The following MCPH1 variants were observed in gnomAD, a reference collection of about 807,000 sequenced individuals.
MCPH1 encodes microcephalin 1.
In MCPH1, 104 loss-of-function variants were observed where a neutral mutation model predicts 84.5. The observed-to-expected ratio is 1.23, with a 90% CI of 1.05 to 1.45. The LOEUF (loss-of-function observed/expected upper bound fraction) is 1.45, where lower values mean the gene tolerates loss of function less well. Ranked by LOEUF, MCPH1 falls within the 40% of genes most tolerant of loss-of-function variation. The pLI, the probability that MCPH1 is intolerant of heterozygous loss-of-function variation, is 0.00. For missense variants in MCPH1, 1,498 were observed against 1,005.7 expected (o/e 1.49, Z -6.62); for synonymous variants, 514 against 366.8 (o/e 1.40, Z -4.58).
chr8:6,503,284 G>A (rs1365121038), intron 12 of MCPH1: 8 of 1,613,652 alleles, frequency 5.0e-6, no homozygotes, highest in Non-Finnish European at 6.8e-6. Context: ...AACACAGAAG[G>A]AATTAGGAAC....
intron 2 of MCPH1, among the ~76,000 whole-genome samples, chr8:6,411,509 A>C (rs1234867011): frequency 6.6e-6 from 1 of 152,226 alleles, no homozygotes; most frequent in Non-Finnish European, 1.5e-5. Flanking sequence ...TGAAAAGGTG[A>C]AAGTTCTCCA....
intron 12 of MCPH1, among the ~76,000 whole-genome samples, chr8:6,568,842 G>A (rs188152682): frequency 7.5e-4 from 114 of 152,368 alleles, no homozygotes; most frequent in Admixed American, 1.8e-3. Flanking sequence ...TGGAGGCGGT[G>A]ACTGCTGCAG....
chr8:6,636,569 TC>T (rs1444221628), intron 13 of MCPH1, among the ~76,000 whole-genome samples: 1 of 152,114 alleles, frequency 6.6e-6, no homozygotes, highest in Non-Finnish European at 1.5e-5. Flanking sequence ...AGCCTCTAAC[TC>T]CTGGCCTCAA....
intron 9 of MCPH1, among the ~76,000 whole-genome samples, chr8:6,457,144 T>C (rs943894092): frequency 6.6e-6 from 1 of 152,216 alleles, no homozygotes; most frequent in Non-Finnish European, 1.5e-5. Context: ...TATTTTCATA[T>C]ATTAAACTGC....
At chr8:6,543,721 A>G (rs2129574211) in intron 12 of MCPH1, among the ~76,000 whole-genome samples, 1 of 152,182 alleles carries the variant, frequency 6.6e-6, no homozygotes, top group Middle Eastern at 3.4e-3. Flanking sequence ...TACCCCTTGT[A>G]TTGGATGAGA....
intron 12 of MCPH1, among the ~76,000 whole-genome samples, chr8:6,580,892 C>T (rs1368311185): frequency 1.3e-5 from 2 of 152,208 alleles, no homozygotes; most frequent in African/African-American, 4.8e-5. Context: ...TGATTATGGT[C>T]AGCCCTCCAC....
intron 13 of MCPH1, among the ~76,000 whole-genome samples, chr8:6,639,644 T>A (rs1207660587): frequency 6.6e-6 from 1 of 150,728 alleles, no homozygotes; most frequent in Non-Finnish European, 1.5e-5. Context: ...GTCTGGGCAA[T>A]GGATCAAGAT....
intron 12 of MCPH1, among the ~76,000 whole-genome samples, chr8:6,504,246 A>C (rs1173151369): frequency 7.6e-6 from 1 of 132,396 alleles, no homozygotes; most frequent in East Asian, 2.5e-4. Flanking sequence ...TGAACCCGGG[A>C]GGCGGAGCTT....
At chr8:6,597,956 A>G (rs2129578070) in intron 12 of MCPH1, among the ~76,000 whole-genome samples, 1 of 152,346 alleles carries the variant, frequency 6.6e-6, no homozygotes, top group East Asian at 1.9e-4. Flanking sequence ...CACTTGACCT[A>G]GAGCCTTGCA....
intron 3 of MCPH1, among the ~76,000 whole-genome samples, chr8:6,426,835 T>TC (rs971265162): frequency 2.0e-5 from 3 of 152,070 alleles, no homozygotes; most frequent in Non-Finnish European, 4.4e-5. Context: ...GTTTTTTTTT[T>TC]CCCAACATTG....
At chr8:6,473,953 G>T in intron 9 of MCPH1, 1 of 1,321,668 alleles carries the variant, frequency 7.6e-7, no homozygotes, top group Non-Finnish European at 1.1e-6. Flanking sequence ...CTTCTTCCTT[G>T]TAGGATGCCG....
intron 13 of MCPH1, chr8:6,626,265 G>A (rs1832063550): frequency 1.0e-6 from 1 of 985,240 alleles, no homozygotes; most frequent in Non-Finnish European, 1.2e-6. Flanking sequence ...TATACAAAAT[G>A]TAAGCCACGC....
chr8:6,608,287 C>G (rs762484427), intron 12 of MCPH1, among the ~76,000 whole-genome samples: 1 of 152,202 alleles, frequency 6.6e-6, no homozygotes, highest in Non-Finnish European at 1.5e-5. Context: ...GAGGTGTTCA[C>G]AGGTGAGTAG....
rs199742828 is a variant in MCPH1 at position 6,612,299 on chromosome 8, AG to A, written c.2215-9154del. Among the ~76,000 whole-genome samples, 21 of 148,528 alleles carry A rather than the reference AG, an allele frequency of 1.4e-4. No individual in the cohort carries two copies. In the East Asian group the frequency reaches 4.4e-3, roughly 31 times the overall value. ...CATCACATTCTGCCTATTTAAGCCAAGCCCCCCTTCCCCAAGGCCAACCTCC... is the reference window on the plus strand; with the variant it reads ...CATCACATTCTGCCTATTTAAGCCAACCCCCCTTCCCCAAGGCCAACCTCC... On this transcript the variant is annotated intron_variant, in intron 12 of 13. Transcript: ENST00000344683.
At chr8:6,434,103 T>C (rs79541467) in intron 4 of MCPH1, among the ~76,000 whole-genome samples, 1 of 152,204 alleles carries the variant, frequency 6.6e-6, no homozygotes, top group African/African-American at 2.4e-5. Flanking sequence ...TTCCCACTTG[T>C]GCCAACTATG....
intron 11 of MCPH1, among the ~76,000 whole-genome samples, chr8:6,495,259 T>A (rs182287774): frequency 1.3e-4 from 20 of 152,354 alleles, no homozygotes; most frequent in African/African-American, 4.8e-4. Context: ...CTACACTATT[T>A]CATTAACTAC....
At chr8:6,484,779 G>C (rs1809659354) in intron 11 of MCPH1, among the ~76,000 whole-genome samples, 3 of 152,200 alleles carry the variant, frequency 2.0e-5, no homozygotes, top group African/African-American at 7.2e-5. Flanking sequence ...GTCACATGCT[G>C]TATAAGGCCA....
At chr8:6,586,590 C>CT (rs1828002855) in intron 12 of MCPH1, among the ~76,000 whole-genome samples, 1 of 152,134 alleles carries the variant, frequency 6.6e-6, no homozygotes, top group South Asian at 2.1e-4. Context: ...AACTGCATGT[C>CT]TGGGGGGAAT....
At chr8:6,627,486 T>A (rs926552509) in intron 13 of MCPH1, among the ~76,000 whole-genome samples, 1 of 152,220 alleles carries the variant, frequency 6.6e-6, no homozygotes, top group African/African-American at 2.4e-5. Context: ...GAAGAATTAT[T>A]TTTCCTTTGA....
Sources: allele counts gnomAD v4.1 joint callset (sites outside exome capture counted in the v4.1 genomes callset), GRCh38; gene constraint gnomAD v4.1.1; transcripts MANE v1.5; gene names NCBI Gene and HGNC (gene_info 2026-07-23, HGNC 2026-07-21).